Variants in ACVRL1 observed in about 807,000 individuals in gnomAD.
ACVRL1 encodes the protein activin A receptor like type 1.
A neutral mutation model predicts 51.9 loss-of-function variants in ACVRL1; 20 were observed. The ratio of observed to expected loss-of-function variants is 0.39; its 90% CI spans 0.27 to 0.56. The LOEUF is 0.56. Among genes scored for constraint, ACVRL1 ranks in the 20% least tolerant of loss-of-function variants. The pLI is 0.67. For missense variants in ACVRL1, 451 were observed against 670.3 expected (o/e 0.67, Z 3.61); for synonymous variants, 288 against 280.9 (o/e 1.03, Z -0.25).
intron 1 of ACVRL1, among the ~76,000 whole-genome samples, chr12:51,911,421 C>G (rs958575345): frequency 6.6e-6 from 1 of 152,192 alleles, no homozygotes; most frequent in Non-Finnish European, 1.5e-5. Flanking sequence ...ATCACTGGCC[C>G]TCCACCCACC....
chr12:51,913,624 C>G lies in ACVRL1; in HGVS notation c.379C>G (p.Leu127Val). The G allele has an allele frequency of 6.2e-7, 1 of 1,603,890 alleles. No homozygotes were observed. ...GQLALILGPV[L>V]ALLALVALGV... ...GCTGGCCCTGATCCTGGGCCCCGTG[C>G]TGGCCTTGCTGGCCCTGGTGGCCCT... is the stretch of plus-strand genomic sequence containing the variant. Residue 127 changes from leucine to valine, a missense_variant, in exon 4 of 10, where the codon CTG (leucine) becomes GTG (valine). By Grantham distance (32) the Leu-to-Val change is conservative. This residue lies in a region of ACVRL1 where 192 missense variants were observed against 216.9 expected (regional missense o/e 0.89). Transcript: ENST00000388922.
chr12:51,912,582 A>G (rs1275229268), intron 2 of ACVRL1, 47 bp downstream of exon 2: 1 of 1,507,044 alleles, frequency 6.6e-7, no homozygotes, highest in Non-Finnish European at 9.2e-7. Flanking sequence ...GGATACAGAA[A>G]GGGCTATCTG....
intron 7 of ACVRL1, 27 bp downstream of exon 7, chr12:51,915,527 C>A: frequency 6.3e-7 from 1 of 1,593,692 alleles, no homozygotes; most frequent in Non-Finnish European, 8.6e-7. Flanking sequence ...AGGGGCGCGC[C>A]CTTCACAGGT....
At position 51,912,492 on chromosome 12, in the gene ACVRL1, C is replaced by T. The variant is rs778246850; in HGVS notation, c.18C>T (p.Pro6=). 6.2e-7 allele frequency: 1 copy of T among 1,614,208 alleles called. No homozygotes were observed. Among genetic ancestry groups the T allele is most frequent in the East Asian group, 2.2e-5 (1 of 44,884 alleles). MTLGS[P]RKGLLMLLMA... is the part of the protein sequence containing the mutation. ...CAGGGACCATGACCTTGGGCTCCCC[C>T]AGGAAAGGCCTTCTGATGCTGCTGA... The change falls in exon 2 of 10, where the codon CCC becomes CCT. Residue 6 remains proline (P), a synonymous_variant. Coordinates refer to ENST00000388922, the MANE Select transcript of ACVRL1 (RefSeq NM_000020.3).
In ACVRL1 at chr12:51,916,018, C is replaced by T; in HGVS notation, c.1049-18C>T. On this transcript the variant is annotated intron_variant, in intron 7 of 9. Coordinates refer to ENST00000388922, the MANE Select transcript of ACVRL1 (RefSeq NM_000020.3). ...AGGTTTGGGAGAGGGGCAGGAGTGA[C>T]AGGCCTCACCCCCACAGGCCTGGCT... The T allele has an allele frequency of 6.2e-7, 1 of 1,608,540 alleles. No individual in the cohort carries two copies.
At position 51,916,064 on chromosome 12, in the gene ACVRL1, C is replaced by T. The variant is rs1307411170; in HGVS notation, c.1077C>T (p.Ser359=). The change falls in exon 8 of 10, where the codon AGC becomes AGT. Residue 359 remains serine (S), a synonymous_variant. Coordinates refer to ENST00000388922, the MANE Select transcript of ACVRL1 (RefSeq NM_000020.3). The stretch of plus-strand genomic sequence containing the variant: ...TGGCTGTGATGCACTCACAGGGCAG[C>T]GATTACCTGGACATCGGCAACAACC... ...LGLAVMHSQG[S]DYLDIGNNPR... 3.1e-6 allele frequency: 5 copies of T among 1,612,848 alleles called. No homozygotes were observed. Among genetic ancestry groups the T allele is most frequent in the African/African-American group, 2.7e-5 (2 of 74,892 alleles).
intron 9 of ACVRL1, 115 bp downstream of exon 9, chr12:51,919,230 T>C (rs1255918078): frequency 6.6e-7 from 1 of 1,506,828 alleles, no homozygotes; most frequent in East Asian, 2.4e-5. Flanking sequence ...CTGAGTGTCC[T>C]GGTTAGGGCA....
rs1940623453 is a variant in ACVRL1 at position 51,907,749 on chromosome 12, C to T, written c.-6+54C>T. ...GTGGCGGGCGGCCTGACCCCCGCTT[C>T]AGTGGGCCCTTCCTTCGGGCGGACC... On this transcript the variant is annotated intron_variant, in intron 1 of 9. Transcript: ENST00000388922. This position sits in a 1 kb window ranked among gnomAD's most constrained non-coding sequence, Gnocchi z 4.5. 1 of 152,246 alleles carries T rather than the reference C, an allele frequency of 6.6e-6. No individual in the cohort carries two copies. Among genetic ancestry groups the T allele is most frequent in the South Asian group, 2.1e-4 (1 of 4,836 alleles). 9.4% of individuals were successfully genotyped at this position (152,246 alleles called of 1,614,324 possible).
chr12:51,920,009 T>C (rs908563234), intron 9 of ACVRL1, among the ~76,000 whole-genome samples: 4 of 152,214 alleles, frequency 2.6e-5, no homozygotes, highest in African/African-American at 9.6e-5. Context: ...CATGTATACA[T>C]CTATGTGTAC....
intron 9 of ACVRL1, chr12:51,919,405 T>TGTGTGTG (rs1555153918): frequency 2.8e-6 from 1 of 362,380 alleles, no homozygotes; most frequent in South Asian, 2.6e-5. Context: ...GTGTGTGTGT[T>TGTGTGTG]TGAGAGTCAG....
chr12:51,913,650 G>A lies in ACVRL1; in HGVS notation c.405G>A (p.Leu135=), dbSNP rs571003812. Residue 135 remains leucine (L), a synonymous_variant, in exon 4 of 10, where the codon CTG becomes CTA. Coordinates refer to ENST00000388922, the MANE Select transcript of ACVRL1 (RefSeq NM_000020.3). ...PVLALLALVA[L]GVLGLWHVRR... is the part of the protein sequence containing the mutation. ...TGGCCTTGCTGGCCCTGGTGGCCCT[G>A]GGTGTCCTGGGCCTGTGGCATGTCC... 2 of 1,607,548 alleles carry A rather than the reference G, an allele frequency of 1.2e-6. No homozygotes were observed. The highest frequency in any genetic ancestry group is 2.2e-5 in the East Asian group (1 of 44,876).
chr12:51,912,957 C>A, intron 2 of ACVRL1, 142 bp from the exon 3 acceptor site: 1 of 1,266,956 alleles, frequency 7.9e-7, no homozygotes. Flanking sequence ...GGAAGGATGA[C>A]TGAGGATGAA....
intron 5 of ACVRL1, 64 bp from the exon 6 acceptor site, chr12:51,914,375 G>A (rs1940777497): frequency 6.4e-7 from 1 of 1,553,862 alleles, no homozygotes; most frequent in Non-Finnish European, 8.9e-7. Context: ...GCATCAAGAT[G>A]GGGGGCTCTT....
Position 51,920,931 on chromosome 12 carries a change from T to TGGGGGGCGGGGGGGGGGGG in ACVRL1, c.*44_*45insCGGGGGGGGGGGGGGGGGG. The stretch of plus-strand genomic sequence containing the variant: ...TGATTCCTTTCTGCCTGCAGGGGGC[T>TGGGGGGCGGGGGGGGGGGG]GGGGGGGTGGGGGGCAGTGGATGGT... On this transcript the variant is annotated 3_prime_UTR_variant, in exon 10 of 10. Coordinates refer to ENST00000388922, the MANE Select transcript of ACVRL1 (RefSeq NM_000020.3). 4.9e-6 allele frequency: 1 copy of TGGGGGGCGGGGGGGGGGGG among 203,032 alleles called. No individual in the cohort carries two copies. Among genetic ancestry groups the TGGGGGGCGGGGGGGGGGGG allele is most frequent in the Non-Finnish European group, 9.6e-6 (1 of 104,512 alleles). The allele number at this position is 203,032 out of a possible 1,614,324, so 12.6% of individuals were successfully genotyped here. A position where few individuals can be genotyped will look rare whatever the true frequency, so the allele number is the denominator to read the frequency against.
At chr12:51,915,552 C>T in intron 7 of ACVRL1, 52 bp downstream of exon 7, 1 of 1,568,242 alleles carries the variant, frequency 6.4e-7, no homozygotes, top group Non-Finnish European at 8.7e-7. Context: ...GGAGCTTGTG[C>T]GCTCTCCTCT....
At chr12:51,916,889 A>G (rs1286689099) in intron 8 of ACVRL1, among the ~76,000 whole-genome samples, 2 of 152,136 alleles carry the variant, frequency 1.3e-5, no homozygotes, top group African/African-American at 4.8e-5. Context: ...CAGGAGAATC[A>G]CTTGAATCTA....
intron 4 of ACVRL1, 93 bp from the exon 5 acceptor site, chr12:51,913,881 G>A (rs940948692): frequency 1.4e-5 from 22 of 1,568,182 alleles, no homozygotes; most frequent in East Asian, 4.6e-5. Flanking sequence ...CGAGTGAGGA[G>A]CTTGCAGTGA....
rs1941016995 is a variant in ACVRL1, at chr12:51,922,915, T to C, written c.*2022T>C. 1 of 152,560 alleles carries C rather than the reference T, an allele frequency of 6.6e-6. No individual in the cohort carries two copies. The highest frequency in any genetic ancestry group is 1.5e-5 in the Non-Finnish European group (1 of 68,036). 9.5% of individuals were successfully genotyped at this position (152,560 alleles called of 1,614,324 possible). A position where few individuals can be genotyped will look rare whatever the true frequency, so the allele number is the denominator to read the frequency against. ...AAGAGAACCAGGAAGTGAAACTGGG[T>C]GAAAACAGAAAGCTCAATGGATGGG... On this transcript the variant is annotated 3_prime_UTR_variant, in exon 10 of 10. Coordinates refer to ENST00000388922, the MANE Select transcript of ACVRL1 (RefSeq NM_000020.3).
chr12:51,909,763 G>A (rs1940655362), intron 1 of ACVRL1, among the ~76,000 whole-genome samples: 1 of 152,062 alleles, frequency 6.6e-6, no homozygotes, highest in South Asian at 2.1e-4. Flanking sequence ...TTCCCCCGTT[G>A]GACTGTTGTG....
Sources: allele counts gnomAD v4.1 joint callset (sites outside exome capture counted in the v4.1 genomes callset), GRCh38; gene constraint gnomAD v4.1.1; regional missense constraint gnomAD v4.1.1; non-coding constraint Gnocchi (gnomAD v3.1); transcripts MANE v1.5; gene names NCBI Gene and HGNC (gene_info 2026-07-23, HGNC 2026-07-21).